Variants in AKAP12 observed in about 807,000 individuals in gnomAD.
The protein encoded by AKAP12 is A-kinase anchoring protein 12.
In AKAP12, 32 loss-of-function variants were observed where a neutral mutation model predicts 79.9. The ratio of observed to expected loss-of-function variants is 0.40; its 90% CI spans 0.30 to 0.54. The LOEUF (loss-of-function observed/expected upper bound fraction) is 0.54. Ranked by LOEUF, AKAP12 falls within the 20% of genes least tolerant of loss-of-function variation. The probability of loss-of-function intolerance (pLI) is 0.48; values close to 1 mark genes in which losing one functional copy is unlikely to be tolerated. For missense variants in AKAP12, 2,074 were observed against 2,177.0 expected (o/e 0.95, Z 0.94); for synonymous variants, 808 against 857.0 (o/e 0.94, Z 1.00).
At chr6:151,315,872 G>A (rs1777221942) in intron 3 of AKAP12, among the ~76,000 whole-genome samples, 2 of 152,146 alleles carry the variant, frequency 1.3e-5, no homozygotes, top group South Asian at 4.1e-4. Context: ...GGAAGGAGAA[G>A]TGGCGAGCAA....
In AKAP12 at chr6:151,240,645, G is replaced by C. The variant is rs981301506; in HGVS notation, c.83G>C (p.Ser28Thr). The C allele has an allele frequency of 9.7e-6, 13 of 1,339,158 alleles. No individual in the cohort carries two copies. The highest frequency in any genetic ancestry group is 1.2e-5 in the Non-Finnish European group (13 of 1,049,156). The allele number at this position is 1,339,158 out of a possible 1,614,324, so 83.0% of individuals were successfully genotyped here. ...TCCACGCCGGCTGAGCCCGAGCCCA[G>C]CGGCGGCGGCCCCTCGGCCGAGGCG... ...GSSTPAEPEP[S>T]GGGPSAEAAP... is the part of the protein sequence containing the mutation. Residue 28 changes from serine (S) to threonine (T), a missense_variant, in exon 2 of 5, where the codon AGC becomes ACC. Coordinates refer to ENST00000402676, the MANE Select transcript of AKAP12 (RefSeq NM_005100.4).
At chr6:151,243,397 T>A (rs1797015091) in intron 2 of AKAP12, among the ~76,000 whole-genome samples, 1 of 152,236 alleles carries the variant, frequency 6.6e-6, no homozygotes, top group Admixed American at 6.5e-5. Flanking sequence ...GGATTTACTT[T>A]CCTTTTTTTC....
intron 3 of AKAP12, among the ~76,000 whole-genome samples, chr6:151,344,920 A>G (rs946274141): frequency 6.6e-6 from 1 of 152,228 alleles, no homozygotes; most frequent in African/African-American, 2.4e-5. Context: ...TAGATTTGTA[A>G]TATTTCATAA....
At position 151,240,583 on chromosome 6, in the gene AKAP12, CGAGCAGCGCAGCCCG is replaced by C; in HGVS notation, c.29_43del (p.Arg10_Gln14del). Reference sequence around the variant, plus strand: ...GAGCCATGGGCGCCGGGAGCTCCACCGAGCAGCGCAGCCCGGAGCAGCCGCCCGAGGGGAGCTCCA... The same window carrying C: ...GAGCCATGGGCGCCGGGAGCTCCACCGAGCAGCCGCCCGAGGGGAGCTCCA... On this transcript the variant is annotated inframe_deletion, in exon 2 of 5. Coordinates refer to ENST00000402676, the MANE Select transcript of AKAP12 (RefSeq NM_005100.4). 1 of 1,445,378 alleles carries C rather than the reference CGAGCAGCGCAGCCCG, an allele frequency of 6.9e-7. No homozygotes were observed. Among genetic ancestry groups the C allele is most frequent in the African/African-American group, 1.5e-5 (1 of 67,370 alleles). 89.5% of individuals were successfully genotyped at this position (1,445,378 alleles called of 1,614,324 possible). A position where few individuals can be genotyped will look rare whatever the true frequency, so the allele number is the denominator to read the frequency against.
chr6:151,327,096 T>C (rs1294211346), intron 3 of AKAP12, among the ~76,000 whole-genome samples: 1 of 150,474 alleles, frequency 6.6e-6, no homozygotes, highest in Non-Finnish European at 1.5e-5. Context: ...ATTATAGACG[T>C]GAGCCACCGC....
At chr6:151,322,736 C>CCACCACCCACTCCTGCCACTGGGTGTGTG (rs1777428065) in intron 3 of AKAP12, among the ~76,000 whole-genome samples, 3 of 147,202 alleles carry the variant, frequency 2.0e-5, no homozygotes, top group African/African-American at 5.3e-5. Context: ...CTGGGCGTGT[C>CCACCACCCACTCCTGCCACTGGGTGTGTG]CACCACCCAC....
intron 3 of AKAP12, among the ~76,000 whole-genome samples, chr6:151,335,427 T>C (rs1322066970): frequency 6.6e-6 from 1 of 152,214 alleles, no homozygotes; most frequent in African/African-American, 2.4e-5. Flanking sequence ...ACTTATGTTA[T>C]AGGTGAGGAC....
intron 3 of AKAP12, among the ~76,000 whole-genome samples, chr6:151,334,072 C>A (rs1443795333): frequency 3.3e-5 from 5 of 152,174 alleles, no homozygotes; most frequent in Non-Finnish European, 5.9e-5. Flanking sequence ...GAGTTCAAGA[C>A]CAGCCTGGGC....
intron 3 of AKAP12, among the ~76,000 whole-genome samples, chr6:151,315,407 C>A (rs1362087004): frequency 6.6e-6 from 1 of 152,158 alleles, no homozygotes; most frequent in Non-Finnish European, 1.5e-5. Flanking sequence ...GGGCACTAAT[C>A]CCATTCATGA....
chr6:151,322,787 C>T (rs943476545), intron 3 of AKAP12, among the ~76,000 whole-genome samples: 3 of 145,086 alleles, frequency 2.1e-5, no homozygotes, highest in African/African-American at 8.6e-5. Flanking sequence ...ACTGAGCTCC[C>T]GAGGCCAGGG....
chr6:151,248,637 T>C (rs1797119454), intron 2 of AKAP12, among the ~76,000 whole-genome samples: 1 of 152,176 alleles, frequency 6.6e-6, no homozygotes, highest in African/African-American at 2.4e-5. Context: ...ATCTGGAGGA[T>C]AAAATAAAGG....
At chr6:151,260,407 G>A (rs1323611093) in intron 2 of AKAP12, among the ~76,000 whole-genome samples, 1 of 152,154 alleles carries the variant, frequency 6.6e-6, no homozygotes, top group Non-Finnish European at 1.5e-5. Context: ...TGTGACAGGG[G>A]CCTTGGCTAT....
intron 2 of AKAP12, among the ~76,000 whole-genome samples, chr6:151,297,423 A>T (rs772191906): frequency 6.6e-6 from 1 of 151,852 alleles, no homozygotes; most frequent in Admixed American, 6.6e-5. Context: ...AAATACAAAA[A>T]TTAGCCGGGT....
chr6:151,341,747 C>T, intron 3 of AKAP12: 2 of 1,279,962 alleles, frequency 1.6e-6, no homozygotes, highest in African/African-American at 1.6e-5. Flanking sequence ...CACGGAATCC[C>T]GAGGGCCACC....
rs1293957072 is a variant in AKAP12, at chr6:151,352,206, A to T, written c.3815A>T (p.Asp1272Val). Residue 1272 changes from aspartate (D) to valine (V), a missense_variant, in exon 4 of 5, where the codon GAT (aspartate) becomes GTT (valine). Transcript: ENST00000402676. Reference protein sequence around the residue: ...EGTQEADQYADEKTKDVPFFE... With the variant: ...EGTQEADQYAVEKTKDVPFFE... ...ACTCAAGAGGCTGACCAGTATGCTG[A>T]TGAGAAAACCAAAGACGTACCATTT... The T allele has an allele frequency of 6.2e-7, 1 of 1,614,206 alleles. No homozygotes were observed. The highest frequency in any genetic ancestry group is 8.5e-7 in the Non-Finnish European group (1 of 1,180,038).
intron 3 of AKAP12, among the ~76,000 whole-genome samples, chr6:151,342,849 A>C (rs1582895220): frequency 1.3e-5 from 2 of 148,746 alleles, no homozygotes; most frequent in Admixed American, 1.3e-4. Flanking sequence ...TGCAACCTCC[A>C]CCTCCCGGGT....
chr6:151,334,661 G>T (rs1261160770), intron 3 of AKAP12, among the ~76,000 whole-genome samples: 92 of 146,186 alleles, frequency 6.3e-4, no homozygotes, highest in African/African-American at 1.8e-3. Context: ...TTGCTCTGTC[G>T]CCCAGGCTGG....
At chr6:151,242,272 C>G (rs879672690) in intron 2 of AKAP12, among the ~76,000 whole-genome samples, 4 of 152,148 alleles carry the variant, frequency 2.6e-5, no homozygotes, top group Non-Finnish European at 4.4e-5. Context: ...ACTGTTCACC[C>G]TGAAATATGG....
intron 2 of AKAP12, among the ~76,000 whole-genome samples, chr6:151,293,279 C>G (rs937793507): frequency 6.6e-6 from 1 of 152,204 alleles, no homozygotes; most frequent in Non-Finnish European, 1.5e-5. Context: ...TGAGTGAGAA[C>G]TGAGATCTTG....
Sources: gnomAD v4.1 joint callset for allele counts (sites outside exome capture counted in the v4.1 genomes callset) on GRCh38, gnomAD v4.1.1 for gene constraint, MANE v1.5 for transcripts, NCBI Gene and HGNC (gene_info 2026-07-23, HGNC 2026-07-21) for gene names.